PINX1: variants seen among roughly 807,000 people sequenced by gnomAD.
The protein encoded by PINX1 is PIN2/TERF1-interacting telomerase inhibitor 1.
In PINX1, 34 loss-of-function variants were observed where a neutral mutation model predicts 25.4. The observed-to-expected ratio is 1.34, with a 90% CI of 1.02 to 1.78. The LOEUF is 1.78. Ranked by LOEUF, PINX1 falls within the 40% of genes most tolerant of loss-of-function variation. The pLI is 0.00. For missense variants in PINX1, 592 were observed against 404.9 expected (o/e 1.46, Z -3.97); for synonymous variants, 197 against 147.7 (o/e 1.33, Z -2.42).
At chr8:10,775,425 T>TTTTTTTTTTTG (rs1563203281) in intron 6 of PINX1, among the ~76,000 whole-genome samples, 55 of 140,636 alleles carry the variant, frequency 3.9e-4, no homozygotes, top group African/African-American at 1.2e-3. Context: ...TTTTTTTTTT[T>TTTTTTTTTTTG]TTTTTTTTTT....
chr8:10,768,294 C>T (rs1213735650), intron 6 of PINX1, among the ~76,000 whole-genome samples: 2 of 152,220 alleles, frequency 1.3e-5, no homozygotes, highest in African/African-American at 2.4e-5. Flanking sequence ...AGATCTGAGT[C>T]GAATCCTATG....
chr8:10,783,116 T>C (rs2129074320), intron 6 of PINX1, among the ~76,000 whole-genome samples: 2 of 152,330 alleles, frequency 1.3e-5, no homozygotes, highest in East Asian at 3.9e-4. Context: ...GACCCTTATT[T>C]GAATCTTAAT....
chr8:10,792,855 G>C (rs1801966624), intron 6 of PINX1, among the ~76,000 whole-genome samples: 1 of 152,086 alleles, frequency 6.6e-6, no homozygotes. Flanking sequence ...TACTATGTTA[G>C]TTAGTGTGAG....
At chr8:10,802,180 G>A (rs566791753) in intron 6 of PINX1, among the ~76,000 whole-genome samples, 1 of 152,200 alleles carries the variant, frequency 6.6e-6, no homozygotes, top group East Asian at 1.9e-4. Context: ...CTTGGAATAA[G>A]TCGAAAAGCC....
chr8:10,777,267 T>C (rs568516062), intron 6 of PINX1, among the ~76,000 whole-genome samples: 1 of 152,342 alleles, frequency 6.6e-6, no homozygotes, highest in South Asian at 2.1e-4. Context: ...AAATTTTTAC[T>C]GGTACTAAAA....
At chr8:10,800,470 C>CT (rs35149115) in intron 6 of PINX1, among the ~76,000 whole-genome samples, 1,484 of 143,260 alleles carry the variant, frequency 0.01, 24 homozygotes, top group African/African-American at 0.032. Context: ...TGAGAATAAA[C>CT]TTTTTTTTTT....
intron 6 of PINX1, among the ~76,000 whole-genome samples, chr8:10,781,160 G>A (rs570067585): frequency 2.6e-5 from 4 of 152,252 alleles, no homozygotes; most frequent in Admixed American, 2.6e-4. Context: ...GTAAAAAAAT[G>A]AAATTGGACC....
At chr8:10,798,693 G>A (rs865858048) in intron 6 of PINX1, among the ~76,000 whole-genome samples, 9 of 152,150 alleles carry the variant, frequency 5.9e-5, no homozygotes, top group South Asian at 2.1e-4. Flanking sequence ...TCTCTCAAAA[G>A]GTAGAGACAC....
chr8:10,786,876 T>C (rs559555406), intron 6 of PINX1, among the ~76,000 whole-genome samples: 8 of 152,104 alleles, frequency 5.3e-5, no homozygotes, highest in South Asian at 4.1e-4. Context: ...TAGTGGCAGA[T>C]TGCACCCCAC....
intron 6 of PINX1, among the ~76,000 whole-genome samples, chr8:10,804,405 C>T (rs1477544747): frequency 2.6e-5 from 4 of 152,016 alleles, no homozygotes; most frequent in Non-Finnish European, 5.9e-5. Context: ...AGAAGAGCCC[C>T]GGGAGGTCCG....
intron 6 of PINX1, among the ~76,000 whole-genome samples, chr8:10,782,557 G>C (rs1276572396): frequency 6.6e-6 from 1 of 151,928 alleles, no homozygotes; most frequent in Non-Finnish European, 1.5e-5. Flanking sequence ...CCAATATGCT[G>C]AAACCCCGTC....
chr8:10,774,036 T>C (rs1395977048), intron 6 of PINX1, among the ~76,000 whole-genome samples: 1 of 152,182 alleles, frequency 6.6e-6, no homozygotes, highest in African/African-American at 2.4e-5. Context: ...CAAATCGTTC[T>C]CTCCCCTGCT....
At chr8:10,813,959 G>A (rs1472729914) in intron 6 of PINX1, among the ~76,000 whole-genome samples, 1 of 152,216 alleles carries the variant, frequency 6.6e-6, no homozygotes, top group Non-Finnish European at 1.5e-5. Context: ...GGAACTGATG[G>A]AATTTGTTTT....
At chr8:10,805,448 G>A (rs1051327966) in intron 6 of PINX1, among the ~76,000 whole-genome samples, 1 of 151,838 alleles carries the variant, frequency 6.6e-6, no homozygotes, top group Non-Finnish European at 1.5e-5. Flanking sequence ...AGCCATACTA[G>A]TGCTGAGTGG....
Position 10,783,522 on chromosome 8 carries a change from T to C in PINX1, c.472-17606A>G, listed in dbSNP as rs73208747. Among the ~76,000 whole-genome samples, 560 of 152,344 alleles carry C rather than the reference T, an allele frequency of 3.7e-3. 10 individuals carry two copies. In the South Asian group the frequency reaches 0.054, roughly 15 times the overall value. The stretch of plus-strand genomic sequence containing the variant: ...GCTCCTTCAAGACACATACAAAGGT[T>C]ATCTTCCTTGATCTCTGCAAGCTGA... On this transcript the variant is annotated intron_variant, in intron 6 of 6. Transcript: ENST00000314787.
chr8:10,817,936 A>G (rs1371851294), intron 6 of PINX1, among the ~76,000 whole-genome samples: 1 of 152,224 alleles, frequency 6.6e-6, no homozygotes, highest in Non-Finnish European at 1.5e-5. Flanking sequence ...GAATTAAAAA[A>G]AAATTTTTTT....
chr8:10,815,513 AC>A (rs1797671155), intron 6 of PINX1, among the ~76,000 whole-genome samples: 1 of 152,182 alleles, frequency 6.6e-6, no homozygotes, highest in Admixed American at 6.5e-5. Flanking sequence ...TTGAATGAAG[AC>A]TTTTAAATGC....
chr8:10,777,631 G>A (rs6601523), intron 6 of PINX1, among the ~76,000 whole-genome samples: 95,693 of 152,034 alleles, frequency 0.63, 31,499 homozygotes, highest in African/African-American at 0.82. Context: ...GAGGTTCTTC[G>A]TGTATCTTAA....
intron 6 of PINX1, 127 bp downstream of exon 6, chr8:10,820,066 T>G: frequency 1.5e-6 from 1 of 687,766 alleles, no homozygotes; most frequent in African/African-American, 1.8e-5. Flanking sequence ...AGGCTGTGCA[T>G]GAAGCCTCCA....
Sources: allele counts gnomAD v4.1 joint callset (sites outside exome capture counted in the v4.1 genomes callset), GRCh38; gene constraint gnomAD v4.1.1; transcripts MANE v1.5; gene names NCBI Gene and HGNC (gene_info 2026-07-23, HGNC 2026-07-21).